The following MIPEP variants were observed in gnomAD, a reference collection of about 807,000 sequenced individuals.
The protein encoded by MIPEP is mitochondrial intermediate peptidase.
Under a neutral mutation model 90.3 loss-of-function variants are expected in MIPEP, and 79 were observed. The observed-to-expected ratio is 0.87, with a 90% CI of 0.73 to 1.05. The LOEUF is 1.05. MIPEP is among the 50% of genes least tolerant of loss of function. The pLI, the probability that MIPEP is intolerant of heterozygous loss-of-function variation, is 0.00. For synonymous variants in MIPEP, 334 were observed against 315.8 expected (o/e 1.06, Z -0.61); for missense variants, 940 against 905.6 (o/e 1.04, Z -0.49).
At chr13:23,777,999 T>C (rs1019835363) in intron 16 of MIPEP, among the ~76,000 whole-genome samples, 1 of 152,258 alleles carries the variant, frequency 6.6e-6, no homozygotes, top group Admixed American at 6.5e-5. Context: ...TCATTTGATT[T>C]ATAGACATCT....
chr13:23,772,359 T>C (rs1593144971), intron 16 of MIPEP, among the ~76,000 whole-genome samples: 1 of 152,092 alleles, frequency 6.6e-6, no homozygotes, highest in African/African-American at 2.4e-5. Flanking sequence ...GTGGCTGAAA[T>C]ATATGGAAAA....
chr13:23,875,848 T>C (rs1011875665), intron 4 of MIPEP, among the ~76,000 whole-genome samples: 3 of 152,194 alleles, frequency 2.0e-5, no homozygotes, highest in African/African-American at 7.2e-5. Flanking sequence ...ATATTATATA[T>C]TTAGAATAAT....
At position 23,879,325 on chromosome 13, in the gene MIPEP, C is replaced by T. The variant is rs1871192384; in HGVS notation, c.482G>A (p.Ser161Asn). Residue 161 changes from serine to asparagine, a missense_variant, in exon 4 of 19, where the codon AGT becomes AAT. Coordinates refer to ENST00000382172, the MANE Select transcript of MIPEP (RefSeq NM_005932.4). ...TTTATCAGCTAGTAATTTTTGCAAA[C>T]TTTGATATAAATCCACATTTGTGTT... ...KLNTNVDLYQSLQKLLADKKL... is the reference protein window; with the variant it reads ...KLNTNVDLYQNLQKLLADKKL... 6.3e-7 allele frequency: 1 copy of T among 1,599,056 alleles called. No individual in the cohort carries two copies.
chr13:23,739,908 G>A (rs1275435675), intron 18 of MIPEP, among the ~76,000 whole-genome samples: 2 of 152,258 alleles, frequency 1.3e-5, no homozygotes. Context: ...AACTTCATGA[G>A]TTGGGGAGAA....
chr13:23,832,228 T>C (rs1868802806), intron 14 of MIPEP, among the ~76,000 whole-genome samples: 1 of 152,126 alleles, frequency 6.6e-6, no homozygotes, highest in Admixed American at 6.5e-5. Flanking sequence ...AGCTAGCATG[T>C]GAGCACACTC....
At position 23,805,965 on chromosome 13, in the gene MIPEP, TG is replaced by T; in HGVS notation, c.1832del (p.Pro611HisfsTer84). On this transcript the variant is annotated frameshift_variant, in exon 16 of 19. Transcript: ENST00000382172. LOFTEE classifies it high-confidence loss of function. ...CTGGACTCACAGTATTTGGAACATA[TG>T]GTAGGCCATAGAATTTCTCTTGTGT... is the stretch of plus-strand genomic sequence containing the variant. ...KETQEKFYGL[P>X]YVPNTAWQLR... is the part of the protein sequence containing the mutation. The T allele has an allele frequency of 6.2e-7, 1 of 1,613,958 alleles. No homozygotes were observed. The highest frequency in any genetic ancestry group is 8.5e-7 in the Non-Finnish European group (1 of 1,179,902).
chr13:23,836,235 C>A lies in MIPEP; in HGVS notation c.1653+5G>T, dbSNP rs1384399476. 1 of 1,554,262 alleles carries A rather than the reference C, an allele frequency of 6.4e-7. No individual in the cohort carries two copies. The highest frequency in any genetic ancestry group is 1.4e-5 in the African/African-American group (1 of 72,298). ...AGGACAAGACGACAATATTACTGTT[C>A]CTACCTGTCCAGTCTGATAATGTCT... On this transcript the variant is annotated splice_donor_5th_base_variant and intron_variant, in intron 14 of 18. Coordinates refer to ENST00000382172, the MANE Select transcript of MIPEP (RefSeq NM_005932.4).
At chr13:23,795,769 C>A (rs1047318965) in intron 16 of MIPEP, among the ~76,000 whole-genome samples, 1 of 150,464 alleles carries the variant, frequency 6.6e-6, no homozygotes, top group African/African-American at 2.4e-5. Context: ...GTAGGAGGAC[C>A]ACTTGAGGCC....
chr13:23,841,433 C>G lies in MIPEP; in HGVS notation c.1162G>C (p.Glu388Gln), dbSNP rs145502604. 2.0e-5 allele frequency: 32 copies of G among 1,614,128 alleles called. No homozygotes were observed. The African/African-American group carries it at 3.7e-4, about 19-fold the overall frequency. The change falls in exon 11 of 19, where the codon GAA becomes CAA. Residue 388 changes from glutamate to glutamine, a missense_variant. Physicochemically the swap from Glu to Gln is conservative, Grantham distance 29. Coordinates refer to ENST00000382172, the MANE Select transcript of MIPEP (RefSeq NM_005932.4). ...CTGTTAAGCAAAATATTCAGGCCTT[C>G]CATGCATGCTCCAAGAGAGAAAAAC... The part of the protein sequence containing the change: ...CPFFSLGACM[E>Q]GLNILLNRLL...
chr13:23,764,737 A>G (rs567886515), intron 16 of MIPEP, among the ~76,000 whole-genome samples: 1 of 152,024 alleles, frequency 6.6e-6, no homozygotes, highest in African/African-American at 2.4e-5. Context: ...TTTAAAAAAA[A>G]TTTTTGTAGA....
intron 18 of MIPEP, among the ~76,000 whole-genome samples, chr13:23,732,719 A>C (rs895089138): frequency 6.6e-6 from 1 of 152,218 alleles, no homozygotes; most frequent in African/African-American, 2.4e-5. Flanking sequence ...TAGTCAAACC[A>C]ATCTATGGTG....
chr13:23,767,599 G>A (rs373558567), intron 16 of MIPEP, among the ~76,000 whole-genome samples: 4 of 151,774 alleles, frequency 2.6e-5, no homozygotes, highest in Non-Finnish European at 2.9e-5. Flanking sequence ...CTACAGGCAC[G>A]TGCCACCATG....
intron 18 of MIPEP, among the ~76,000 whole-genome samples, chr13:23,732,897 C>T (rs1003543442): frequency 8.5e-5 from 13 of 152,150 alleles, no homozygotes; most frequent in African/African-American, 1.9e-4. Flanking sequence ...TGAGATTTTG[C>T]GTTTCACTGT....
chr13:23,828,149 T>TA (rs1454944653), intron 14 of MIPEP, among the ~76,000 whole-genome samples: 2 of 152,152 alleles, frequency 1.3e-5, no homozygotes, highest in Admixed American at 6.5e-5. Flanking sequence ...ATTAATGATT[T>TA]AAAAAAATAG....
At chr13:23,773,109 C>T (rs1330419804) in intron 16 of MIPEP, among the ~76,000 whole-genome samples, 1 of 152,200 alleles carries the variant, frequency 6.6e-6, no homozygotes, top group African/African-American at 2.4e-5. Flanking sequence ...AGAGAAACCC[C>T]GGGCCCATTC....
At chr13:23,804,771 T>C (rs930677782) in intron 16 of MIPEP, among the ~76,000 whole-genome samples, 1 of 152,248 alleles carries the variant, frequency 6.6e-6, no homozygotes, top group Non-Finnish European at 1.5e-5. Context: ...TTGTAGTTTA[T>C]TGATTAACTT....
intron 1 of MIPEP, 84 bp from the exon 2 acceptor site, chr13:23,886,590 A>G: frequency 8.5e-7 from 1 of 1,170,632 alleles, no homozygotes; most frequent in Non-Finnish European, 1.2e-6. Flanking sequence ...CTTTTATCAC[A>G]AAGGAGATCT....
At chr13:23,759,955 G>C (rs1952522580) in intron 17 of MIPEP, 141 bp downstream of exon 17, 1 of 1,029,420 alleles carries the variant, frequency 9.7e-7, no homozygotes, top group Non-Finnish European at 1.5e-6. Flanking sequence ...AGTGGGGCGA[G>C]GCTGTGTGGG....
chr13:23,862,567 C>T (rs1681170328), intron 8 of MIPEP, among the ~76,000 whole-genome samples: 1 of 152,134 alleles, frequency 6.6e-6, no homozygotes, highest in African/African-American at 2.4e-5. Flanking sequence ...CGATTTCTAC[C>T]TTAAAAAGCA....
Sources: gnomAD v4.1 joint callset for allele counts (sites outside exome capture counted in the v4.1 genomes callset) on GRCh38, gnomAD v4.1.1 for gene constraint, MANE v1.5 for transcripts, NCBI Gene and HGNC (gene_info 2026-07-23, HGNC 2026-07-21) for gene names.